Variants in GALNT17 observed in about 807,000 individuals in gnomAD.
GALNT17 encodes UDP-GalNAc:polypeptide N-acetylgalactosaminyltransferase-like 3.
GALNT17 carries 29 observed loss-of-function variants against 63.7 expected under a neutral mutation model. That is an observed-to-expected ratio of 0.46 (90% CI 0.34 to 0.62). The LOEUF is 0.62. Ranked by LOEUF, GALNT17 falls within the 20% of genes least tolerant of loss-of-function variation. GALNT17 has a pLI of 0.01. For missense variants in GALNT17, 603 were observed against 799.6 expected (o/e 0.75, Z 2.97); for synonymous variants, 305 against 318.3 (o/e 0.96, Z 0.45).
intron 6 of GALNT17, among the ~76,000 whole-genome samples, chr7:71,585,928 T>C (rs10807733): frequency 0.26 from 37,032 of 145,142 alleles, 4,771 homozygotes; most frequent in African/African-American, 0.28. Context: ...TTTTTTTTTT[T>C]GAGAAGGAGT....
intron 5 of GALNT17, among the ~76,000 whole-genome samples, chr7:71,559,472 A>G (rs1360480871): frequency 6.6e-6 from 1 of 152,116 alleles, no homozygotes; most frequent in Middle Eastern, 3.2e-3. Context: ...TTATTTGCAT[A>G]TGCTTCCCCT....
At chr7:71,260,634 G>C (rs1345374671) in intron 1 of GALNT17, among the ~76,000 whole-genome samples, 1 of 144,442 alleles carries the variant, frequency 6.9e-6, no homozygotes, top group Non-Finnish European at 1.5e-5. Flanking sequence ...AGACAGTCTT[G>C]CTCTGTCACC....
At position 71,179,166 on chromosome 7, in the gene GALNT17, A is replaced by G. The variant is rs146139076; in HGVS notation, c.238+46126A>G. 2.9e-3 allele frequency among the ~76,000 whole-genome samples: 437 copies of G among 152,252 alleles called. 4 individuals carry two copies. Among genetic ancestry groups the G allele is most frequent in the African/African-American group, 0.01 (423 of 41,568 alleles). On this transcript the variant is annotated intron_variant, in intron 1 of 10. Coordinates refer to ENST00000333538, the MANE Select transcript of GALNT17 (RefSeq NM_022479.3). Reference sequence around the variant, plus strand: ...CTTAGAGCAAGCCTGCCTCCCATTTATTCAAAGTCACCCCTCTGCTCATTG... The same window carrying G: ...CTTAGAGCAAGCCTGCCTCCCATTTGTTCAAAGTCACCCCTCTGCTCATTG...
chr7:71,249,369 T>G (rs1256495976), intron 1 of GALNT17, among the ~76,000 whole-genome samples: 2 of 152,354 alleles, frequency 1.3e-5, no homozygotes, highest in Admixed American at 6.5e-5. Context: ...ATCTGTGATC[T>G]CTCACCTTTT....
chr7:71,535,707 T>C (rs1281611154), intron 5 of GALNT17, among the ~76,000 whole-genome samples: 4 of 152,196 alleles, frequency 2.6e-5, no homozygotes, highest in African/African-American at 9.7e-5. Context: ...GCATCAAACA[T>C]CTGTGTTAGG....
At chr7:71,333,798 A>C (rs1791849388) in intron 1 of GALNT17, among the ~76,000 whole-genome samples, 1 of 152,188 alleles carries the variant, frequency 6.6e-6, no homozygotes, top group African/African-American at 2.4e-5. Flanking sequence ...GCCTATATTA[A>C]GCATTTTGAA....
At chr7:71,693,368 T>C (rs1791491852) in intron 9 of GALNT17, among the ~76,000 whole-genome samples, 1 of 149,780 alleles carries the variant, frequency 6.7e-6, no homozygotes, top group African/African-American at 2.5e-5. Context: ...GGTTGGATCC[T>C]GGGAAGAAAA....
At chr7:71,500,176 C>G (rs1399844774) in intron 5 of GALNT17, among the ~76,000 whole-genome samples, 1 of 152,116 alleles carries the variant, frequency 6.6e-6, no homozygotes, top group Admixed American at 6.6e-5. Context: ...TATAAATTTC[C>G]TAGAGCAATT....
At chr7:71,302,669 CTACTT>C (rs1312725534) in intron 1 of GALNT17, among the ~76,000 whole-genome samples, 3 of 152,116 alleles carry the variant, frequency 2.0e-5, no homozygotes, top group Admixed American at 1.3e-4. Flanking sequence ...GCTGGAAAGA[CTACTT>C]TACTGGGTCT....
At chr7:71,677,584 G>T (rs889251369) in intron 9 of GALNT17, among the ~76,000 whole-genome samples, 1 of 150,300 alleles carries the variant, frequency 6.7e-6, no homozygotes, top group Admixed American at 6.7e-5. Context: ...GTATGATCTC[G>T]GCTCACTGCA....
chr7:71,501,911 C>T (rs1283553242), intron 5 of GALNT17, among the ~76,000 whole-genome samples: 1 of 151,834 alleles, frequency 6.6e-6, no homozygotes, highest in East Asian at 1.9e-4. Flanking sequence ...TAAAGATTAC[C>T]ATCCTCCCCT....
intron 6 of GALNT17, among the ~76,000 whole-genome samples, chr7:71,580,376 TGATAGATAAATTGATA>T (rs1789615151): frequency 1.3e-5 from 2 of 148,708 alleles, no homozygotes; most frequent in Admixed American, 6.8e-5. Context: ...TATAAATAGA[TGATAGATAAATTGATA>T]GATGGATGAT....
intron 1 of GALNT17, among the ~76,000 whole-genome samples, chr7:71,234,618 TG>T (rs972035487): frequency 3.3e-5 from 5 of 152,058 alleles, no homozygotes; most frequent in African/African-American, 1.2e-4. Context: ...GTAGGGTGAA[TG>T]GAGGGAAACT....
At chr7:71,606,161 C>T (rs1027352515) in intron 6 of GALNT17, among the ~76,000 whole-genome samples, 20 of 145,766 alleles carry the variant, frequency 1.4e-4, no homozygotes, top group Non-Finnish European at 1.8e-4. Context: ...CATTATGCTG[C>T]CCAGGCTGGT....
rs1791819860 is a variant in GALNT17, at chr7:71,713,145, A to C, written c.*999A>C. The C allele has an allele frequency of 6.5e-6, 1 of 152,726 alleles. No individual in the cohort carries two copies. The highest frequency in any genetic ancestry group is 1.5e-5 in the Non-Finnish European group (1 of 68,078). 9.5% of individuals were successfully genotyped at this position (152,726 alleles called of 1,614,324 possible). ...CCCTCTGGTTAGGGTGCACATATAA[A>C]TCAGAGTTAATATATGAACGCGTGT... On this transcript the variant is annotated 3_prime_UTR_variant, in exon 11 of 11. Transcript: ENST00000333538.
At chr7:71,583,026 T>C (rs1789659424) in intron 6 of GALNT17, among the ~76,000 whole-genome samples, 1 of 152,206 alleles carries the variant, frequency 6.6e-6, no homozygotes, top group Non-Finnish European at 1.5e-5. Context: ...ATCATCTTTT[T>C]TTCCCCTCCC....
chr7:71,709,926 T>G (rs1791768872), intron 9 of GALNT17, among the ~76,000 whole-genome samples: 1 of 152,000 alleles, frequency 6.6e-6, no homozygotes, highest in South Asian at 2.1e-4. Context: ...TGTGGTATCT[T>G]ATTATTTTAG....
chr7:71,150,937 A>G (rs905750222), intron 1 of GALNT17, among the ~76,000 whole-genome samples: 2 of 146,340 alleles, frequency 1.4e-5, no homozygotes, highest in African/African-American at 5.1e-5. Context: ...TGATCACACC[A>G]CTGCACTCCA....
At chr7:71,626,702 G>A (rs954641867) in intron 6 of GALNT17, among the ~76,000 whole-genome samples, 3 of 152,204 alleles carry the variant, frequency 2.0e-5, no homozygotes, top group African/African-American at 7.2e-5. Context: ...TCCAAGGGGA[G>A]AGAAAATGAG....
Sources: gnomAD v4.1 joint callset for allele counts (sites outside exome capture counted in the v4.1 genomes callset) on GRCh38, gnomAD v4.1.1 for gene constraint, MANE v1.5 for transcripts, NCBI Gene and HGNC (gene_info 2026-07-23, HGNC 2026-07-21) for gene names.